The following RIMS1 variants were observed in gnomAD, a reference collection of about 807,000 sequenced individuals.
RIMS1 encodes the protein regulating synaptic membrane exocytosis protein 1.
In RIMS1, 83 loss-of-function variants were observed where a neutral mutation model predicts 214.1. The observed-to-expected ratio is 0.39, with a 90% CI of 0.32 to 0.47. RIMS1 has a LOEUF of 0.47. Ranked by LOEUF, RIMS1 falls within the 20% of genes least tolerant of loss-of-function variation. The pLI is 0.99. For missense variants in RIMS1, 2,050 were observed against 2,161.8 expected (o/e 0.95, Z 1.03); for synonymous variants, 793 against 786.8 (o/e 1.01, Z -0.13).
rs116647654 is a variant in RIMS1, at chr6:72,155,147, C to A, written c.472-24428C>A. On this transcript the variant is annotated intron_variant, in intron 4 of 33. Transcript: ENST00000521978. ...AACCATTTTCTCCTAGGCCTCCAGG[C>A]CTGTGATGAGAGGAGCTGCCGTGAA... Among the ~76,000 whole-genome samples, 318 of 140,768 alleles carry A rather than the reference C, an allele frequency of 2.3e-3. 20 individuals carry two copies. Among genetic ancestry groups the A allele is most frequent in the Middle Eastern group, 7.1e-3 (2 of 282 alleles). 92.3% of individuals were successfully genotyped at this position (140,768 alleles called of 152,430 possible). A position where few individuals can be genotyped will look rare whatever the true frequency, so the allele number is the denominator to read the frequency against.
At chr6:72,142,346 C>T (rs2042178330) in intron 4 of RIMS1, among the ~76,000 whole-genome samples, 1 of 151,912 alleles carries the variant, frequency 6.6e-6, no homozygotes, top group Non-Finnish European at 1.5e-5. Context: ...TTCCTTGGAA[C>T]AAAATATGTG....
intron 29 of RIMS1, among the ~76,000 whole-genome samples, chr6:72,339,967 G>T (rs1448365790): frequency 2.6e-5 from 4 of 152,030 alleles, no homozygotes; most frequent in Non-Finnish European, 5.9e-5. Flanking sequence ...ACTTTTTAAT[G>T]ATCACCATTC....
At chr6:72,080,006 G>A (rs1461870503) in intron 2 of RIMS1, among the ~76,000 whole-genome samples, 1 of 147,650 alleles carries the variant, frequency 6.8e-6, no homozygotes, top group Non-Finnish European at 1.5e-5. Flanking sequence ...GGAGGCTGAG[G>A]CAGGTGGATC....
chr6:71,972,202 G>A (rs1796026151), intron 2 of RIMS1, among the ~76,000 whole-genome samples: 1 of 152,190 alleles, frequency 6.6e-6, no homozygotes, highest in Non-Finnish European at 1.5e-5. Flanking sequence ...GTTAAATGCA[G>A]CAGAAAATCA....
At chr6:72,310,418 T>C (rs1419753748) in intron 27 of RIMS1, among the ~76,000 whole-genome samples, 1 of 151,958 alleles carries the variant, frequency 6.6e-6, no homozygotes, top group Non-Finnish European at 1.5e-5. Flanking sequence ...TTTTTATTGG[T>C]GGTATACAGA....
At chr6:72,098,537 C>T (rs1034516475) in intron 3 of RIMS1, among the ~76,000 whole-genome samples, 11 of 150,760 alleles carry the variant, frequency 7.3e-5, no homozygotes, top group Admixed American at 2.6e-4. Flanking sequence ...TCAGGTGATC[C>T]GCCCGTCTCG....
At chr6:72,140,408 G>A (rs984895464) in intron 4 of RIMS1, among the ~76,000 whole-genome samples, 1 of 151,952 alleles carries the variant, frequency 6.6e-6, no homozygotes, top group East Asian at 1.9e-4. Flanking sequence ...ATAATTCCAA[G>A]GTATTTCAGT....
intron 27 of RIMS1, among the ~76,000 whole-genome samples, chr6:72,310,784 T>G (rs2095471985): frequency 6.6e-6 from 1 of 152,118 alleles, no homozygotes; most frequent in Non-Finnish European, 1.5e-5. Flanking sequence ...GTGATTAAAA[T>G]GTTAACATAT....
At chr6:71,910,722 A>G (rs1035249626) in intron 1 of RIMS1, among the ~76,000 whole-genome samples, 8 of 152,262 alleles carry the variant, frequency 5.3e-5, no homozygotes, top group Admixed American at 4.6e-4. Context: ...ACACACAGGG[A>G]ACAAAGGAAG....
At chr6:72,052,748 T>C (rs2152158540) in intron 2 of RIMS1, among the ~76,000 whole-genome samples, 1 of 152,346 alleles carries the variant, frequency 6.6e-6, no homozygotes, top group East Asian at 1.9e-4. Flanking sequence ...TTTTTGCGTA[T>C]GTGTTATTCT....
At chr6:72,291,259 T>G (rs958473888) in intron 25 of RIMS1, among the ~76,000 whole-genome samples, 7 of 152,132 alleles carry the variant, frequency 4.6e-5, no homozygotes, top group Non-Finnish European at 1.0e-4. Context: ...GTTAAGAGTG[T>G]TTTAAAGTTC....
chr6:72,338,332 T>C (rs1254487400), intron 29 of RIMS1, among the ~76,000 whole-genome samples: 3 of 152,048 alleles, frequency 2.0e-5, no homozygotes, highest in African/African-American at 7.2e-5. Flanking sequence ...TGCATTTCTC[T>C]GATGGCCAGT....
intron 2 of RIMS1, among the ~76,000 whole-genome samples, chr6:71,993,249 G>A (rs1476481720): frequency 2.6e-5 from 4 of 152,138 alleles, no homozygotes; most frequent in Non-Finnish European, 4.4e-5. Context: ...TTGTCTACAG[G>A]TCCCAGACAG....
intron 2 of RIMS1, among the ~76,000 whole-genome samples, chr6:72,060,943 C>T (rs751744969): frequency 2.1e-4 from 32 of 151,978 alleles, no homozygotes; most frequent in Non-Finnish European, 3.7e-4. Context: ...AGAAAATTTT[C>T]TTCTTTTTTT....
At chr6:72,239,587 G>A (rs1253119213) in intron 9 of RIMS1, among the ~76,000 whole-genome samples, 1 of 152,122 alleles carries the variant, frequency 6.6e-6, no homozygotes, top group Non-Finnish European at 1.5e-5. Context: ...TGCAATCAAT[G>A]TGACTTTTAT....
intron 28 of RIMS1, among the ~76,000 whole-genome samples, chr6:72,317,797 A>G (rs1049553088): frequency 1.3e-5 from 2 of 152,032 alleles, no homozygotes; most frequent in African/African-American, 4.8e-5. Flanking sequence ...TTGCTTTACT[A>G]CTCTTTTGCC....
intron 1 of RIMS1, among the ~76,000 whole-genome samples, chr6:71,892,851 G>A (rs748342470): frequency 2.4e-4 from 37 of 152,058 alleles, no homozygotes; most frequent in Non-Finnish European, 3.5e-4. Flanking sequence ...TAAAACTGCC[G>A]TAGTCAGAAA....
chr6:71,994,480 A>G (rs1011100083), intron 2 of RIMS1, among the ~76,000 whole-genome samples: 4 of 152,192 alleles, frequency 2.6e-5, no homozygotes, highest in Non-Finnish European at 4.4e-5. Flanking sequence ...TGGTATTGGT[A>G]TAAGGCATTT....
chr6:71,924,301 G>A (rs1780899041), intron 1 of RIMS1, among the ~76,000 whole-genome samples: 2 of 152,152 alleles, frequency 1.3e-5, no homozygotes, highest in South Asian at 2.1e-4. Flanking sequence ...TTCTATTTTT[G>A]CCTCTAAGGG....
Sources: gnomAD v4.1 joint callset for allele counts (sites outside exome capture counted in the v4.1 genomes callset) on GRCh38, gnomAD v4.1.1 for gene constraint, MANE v1.5 for transcripts, NCBI Gene and HGNC (gene_info 2026-07-23, HGNC 2026-07-21) for gene names.